KSR2: variants seen among roughly 807,000 people sequenced by gnomAD.
KSR2 encodes the protein kinase suppressor of ras 2.
A neutral mutation model predicts 107.8 loss-of-function variants in KSR2; 25 were observed. The observed-to-expected ratio is 0.23, with a 90% CI of 0.17 to 0.32. The LOEUF (loss-of-function observed/expected upper bound fraction) is 0.32. Among genes scored for constraint, KSR2 ranks in the 10% least tolerant of loss-of-function variants. KSR2 has a pLI of 1.00. For synonymous variants in KSR2, 480 were observed against 507.0 expected (o/e 0.95, Z 0.71); for missense variants, 887 against 1,268.9 (o/e 0.70, Z 4.57).
Position 117,558,548 on chromosome 12 carries a change from T to C in KSR2, c.1351A>G (p.Lys451Glu), listed in dbSNP as rs2137349492. 1 of 1,613,918 alleles carries C rather than the reference T, an allele frequency of 6.2e-7. No homozygotes were observed. The highest frequency in any genetic ancestry group is 2.2e-5 in the East Asian group (1 of 44,880). The stretch of plus-strand genomic sequence containing the variant: ...AGAAGATGACAGGGTGGGGCTTCTT[T>C]GGTGCATTTGTTGTGGCACTTTAAC... ...CKLKCHNKCT[K>E]EAPPCHLLII... is the part of the protein sequence containing the mutation. Residue 451 changes from lysine to glutamate, a missense_variant, in exon 8 of 20, where the codon AAA becomes GAA. Coordinates refer to ENST00000339824, the MANE Select transcript of KSR2 (RefSeq NM_173598.6).
chr12:117,792,408 C>T (rs536760433), intron 3 of KSR2, among the ~76,000 whole-genome samples: 9 of 152,160 alleles, frequency 5.9e-5, no homozygotes, highest in African/African-American at 1.2e-4. Flanking sequence ...GACCTGCTTA[C>T]GCTACATGCA....
chr12:117,596,613 G>C (rs1033193444), intron 5 of KSR2, among the ~76,000 whole-genome samples: 1 of 151,748 alleles, frequency 6.6e-6, no homozygotes, highest in Admixed American at 6.6e-5. Context: ...CATTCTCCTG[G>C]GTATAAACAA....
At chr12:117,758,775 T>A (rs1386802431) in intron 4 of KSR2, among the ~76,000 whole-genome samples, 3 of 152,164 alleles carry the variant, frequency 2.0e-5, no homozygotes, top group Admixed American at 6.5e-5. Context: ...ATCTTGCAGA[T>A]TAGAAGATGA....
chr12:117,557,922 T>C (rs1877820734), intron 8 of KSR2, among the ~76,000 whole-genome samples: 1 of 152,142 alleles, frequency 6.6e-6, no homozygotes, highest in African/African-American at 2.4e-5. Flanking sequence ...GAAAAAGCCT[T>C]TCCTTCTGTC....
At chr12:117,921,139 C>T (rs187343207) in intron 1 of KSR2, among the ~76,000 whole-genome samples, 27 of 152,278 alleles carry the variant, frequency 1.8e-4, no homozygotes, top group Admixed American at 1.2e-3. Flanking sequence ...TCAGTTTCCT[C>T]ATCTGCAAAA....
chr12:117,656,139 CT>C (rs1428893646), intron 5 of KSR2, among the ~76,000 whole-genome samples: 2 of 152,334 alleles, frequency 1.3e-5, no homozygotes, highest in East Asian at 3.9e-4. Context: ...TTTCCTCCTT[CT>C]TTTGTTAAAC....
intron 7 of KSR2, among the ~76,000 whole-genome samples, chr12:117,562,225 A>G (rs1878174951): frequency 6.6e-6 from 1 of 151,634 alleles, no homozygotes. Context: ...GAGAACTTTT[A>G]AAGTGAAGAG....
chr12:117,531,522 G>A, intron 11 of KSR2, 144 bp downstream of exon 11: 1 of 680,780 alleles, frequency 1.5e-6, no homozygotes, highest in Non-Finnish European at 2.5e-6. Flanking sequence ...TCCATGTTCA[G>A]CCATTATCCT....
chr12:117,560,983 A>G (rs530728200), intron 7 of KSR2, among the ~76,000 whole-genome samples: 168 of 152,354 alleles, frequency 1.1e-3, no homozygotes, highest in African/African-American at 3.8e-3. Context: ...TTTTCTTTAT[A>G]AATTACCCAG....
chr12:117,637,675 G>GTTTTTTTTTTTTTTTTTT lies in KSR2; in HGVS notation c.1171+29781_1171+29798dup, dbSNP rs56169273. On this transcript the variant is annotated intron_variant, in intron 5 of 19. Transcript: ENST00000339824. ...AATGGGACCCAGCAGTCAGTTTTGG[G>GTTTTTTTTTTTTTTTTTT]TTTTTTTTTTTTTTTTTTTTTTTTG... Among the ~76,000 whole-genome samples the GTTTTTTTTTTTTTTTTTT allele has an allele frequency of 8.7e-5, 8 of 92,110 alleles. 1 individual carries two copies. Among genetic ancestry groups the GTTTTTTTTTTTTTTTTTT allele is most frequent in the East Asian group, 4.8e-4 (1 of 2,090 alleles). 60.4% of individuals were successfully genotyped at this position (92,110 alleles called of 152,430 possible). A position where few individuals can be genotyped will look rare whatever the true frequency, so the allele number is the denominator to read the frequency against.
chr12:117,611,160 C>T (rs1461157780), intron 5 of KSR2, among the ~76,000 whole-genome samples: 3 of 152,184 alleles, frequency 2.0e-5, no homozygotes, highest in African/African-American at 7.2e-5. Context: ...TTCTGATTCT[C>T]ATTTTTAAAA....
chr12:117,806,019 C>T (rs527366432), intron 3 of KSR2, among the ~76,000 whole-genome samples: 59 of 152,178 alleles, frequency 3.9e-4, no homozygotes, highest in African/African-American at 1.1e-3. Context: ...AAAAGAAATG[C>T]AGGTTCCATG....
intron 4 of KSR2, among the ~76,000 whole-genome samples, chr12:117,694,272 G>C (rs1277779322): frequency 6.6e-6 from 1 of 152,142 alleles, no homozygotes. Flanking sequence ...TGAATCATGG[G>C]GGACGTTTCC....
intron 7 of KSR2, among the ~76,000 whole-genome samples, chr12:117,566,213 CAGTTCG>C (rs893581158): frequency 4.6e-5 from 7 of 152,272 alleles, no homozygotes; most frequent in African/African-American, 1.7e-4. Flanking sequence ...CTTCCGCCCC[CAGTTCG>C]AGTGACTCTC....
At chr12:117,833,246 AT>A (rs1892053138) in intron 3 of KSR2, among the ~76,000 whole-genome samples, 1 of 152,192 alleles carries the variant, frequency 6.6e-6, no homozygotes, top group African/African-American at 2.4e-5. Context: ...ATCCATGGAA[AT>A]TCCTCACACA....
At chr12:117,950,436 T>A (rs1345140235) in intron 1 of KSR2, among the ~76,000 whole-genome samples, 1 of 152,036 alleles carries the variant, frequency 6.6e-6, no homozygotes, top group Non-Finnish European at 1.5e-5. Context: ...ATGTTTGAAA[T>A]CTTACATAAA....
chr12:117,575,163 C>T (rs1303210858), intron 7 of KSR2, among the ~76,000 whole-genome samples: 1 of 152,158 alleles, frequency 6.6e-6, no homozygotes, highest in East Asian at 1.9e-4. Flanking sequence ...CAACTCCTAC[C>T]CATGCCCCAG....
At chr12:117,493,210 C>T (rs60255262) in intron 14 of KSR2, among the ~76,000 whole-genome samples, 5,428 of 152,218 alleles carry the variant, frequency 0.036, 347 homozygotes, top group African/African-American at 0.12. Flanking sequence ...TAATATTCTT[C>T]TTCCTGAATG....
chr12:117,778,758 G>C (rs1427010591), intron 3 of KSR2, among the ~76,000 whole-genome samples: 1 of 152,188 alleles, frequency 6.6e-6, no homozygotes. Context: ...GCTTGCACAA[G>C]AGAGTCCACA....
Sources: gnomAD v4.1 joint callset for allele counts (sites outside exome capture counted in the v4.1 genomes callset) on GRCh38, gnomAD v4.1.1 for gene constraint, MANE v1.5 for transcripts, NCBI Gene and HGNC (gene_info 2026-07-23, HGNC 2026-07-21) for gene names.